SDK1: variants seen among roughly 807,000 people sequenced by gnomAD.
SDK1 encodes sidekick cell adhesion molecule 1, also known as protein sidekick-1.
A neutral mutation model predicts 245.5 loss-of-function variants in SDK1; 157 were observed. The ratio of observed to expected loss-of-function variants is 0.64; its 90% CI spans 0.56 to 0.73. SDK1 has a LOEUF of 0.73. Ranked by LOEUF, SDK1 falls within the 30% of genes least tolerant of loss-of-function variation. The probability of loss-of-function intolerance (pLI) is 0.00; values close to 1 mark genes in which losing one functional copy is unlikely to be tolerated. For synonymous variants in SDK1, 1,647 were observed against 1,278.5 expected (o/e 1.29, Z -6.15); for missense variants, 3,583 against 3,002.3 (o/e 1.19, Z -4.52).
chr7:4,210,716 A>T (rs1480290581), intron 38 of SDK1, among the ~76,000 whole-genome samples: 3 of 152,210 alleles, frequency 2.0e-5, no homozygotes, highest in Admixed American at 6.5e-5. Context: ...AGATGCTGGA[A>T]TCGAGGACCT....
intron 4 of SDK1, among the ~76,000 whole-genome samples, chr7:3,674,800 G>C (rs1175286583): frequency 6.6e-6 from 1 of 152,070 alleles, no homozygotes; most frequent in Non-Finnish European, 1.5e-5. Context: ...TAAGGAGTTG[G>C]ACAGAGATCC....
At chr7:4,054,363 G>A (rs1454696982) in intron 19 of SDK1, among the ~76,000 whole-genome samples, 1 of 152,176 alleles carries the variant, frequency 6.6e-6, no homozygotes, top group East Asian at 1.9e-4. Context: ...CTATAGTATT[G>A]CATCACGTCC....
intron 20 of SDK1, among the ~76,000 whole-genome samples, chr7:4,076,581 TACATA>T (rs1354478487): frequency 2.0e-5 from 3 of 152,198 alleles, no homozygotes; most frequent in African/African-American, 7.2e-5. Context: ...CATATATACA[TACATA>T]ACATTTTTTA....
chr7:3,371,055 G>A (rs1017295480), intron 1 of SDK1, among the ~76,000 whole-genome samples: 77 of 152,198 alleles, frequency 5.1e-4, no homozygotes, highest in African/African-American at 1.6e-3. Context: ...GTGCATCCCC[G>A]TGTTTCGTGT....
At chr7:4,238,173 G>C (rs1034723188) in intron 42 of SDK1, among the ~76,000 whole-genome samples, 2 of 151,866 alleles carry the variant, frequency 1.3e-5, no homozygotes. Flanking sequence ...TCTGTCTCCT[G>C]CATTCAAGTG....
At chr7:3,677,806 C>A (rs140931976) in intron 4 of SDK1, among the ~76,000 whole-genome samples, 1 of 152,110 alleles carries the variant, frequency 6.6e-6, no homozygotes, top group African/African-American at 2.4e-5. Flanking sequence ...ACACATAGTT[C>A]AGTGGATGGA....
chr7:4,240,939 G>A (rs1179456571), intron 42 of SDK1, among the ~76,000 whole-genome samples: 2 of 152,168 alleles, frequency 1.3e-5, no homozygotes, highest in Non-Finnish European at 2.9e-5. Context: ...GGGTTTGCAG[G>A]GTGGACAGAC....
chr7:3,891,790 T>C (rs766754537), intron 5 of SDK1, among the ~76,000 whole-genome samples: 3 of 152,236 alleles, frequency 2.0e-5, no homozygotes, highest in Non-Finnish European at 4.4e-5. Context: ...TAGGCTGTGC[T>C]TTCACGGCCA....
At chr7:3,403,858 T>TA (rs1467488680) in intron 1 of SDK1, among the ~76,000 whole-genome samples, 2 of 116,418 alleles carry the variant, frequency 1.7e-5, no homozygotes, top group Admixed American at 9.2e-5. Flanking sequence ...TATATATATA[T>TA]ATATATATAT....
intron 1 of SDK1, among the ~76,000 whole-genome samples, chr7:3,425,768 T>A (rs1285033627): frequency 6.6e-6 from 1 of 152,214 alleles, no homozygotes; most frequent in East Asian, 1.9e-4. Context: ...ACTAACAGCC[T>A]TTTATTGAAA....
intron 1 of SDK1, among the ~76,000 whole-genome samples, chr7:3,322,669 G>T (rs984688259): frequency 1.3e-5 from 2 of 152,160 alleles, no homozygotes; most frequent in African/African-American, 2.4e-5. Flanking sequence ...GTGGCATTCA[G>T]GGATCTTCAT....
At chr7:3,338,639 A>G (rs1780266866) in intron 1 of SDK1, 1 of 200,180 alleles carries the variant, frequency 5.0e-6, no homozygotes, top group Admixed American at 5.9e-5. Context: ...AACAAAAAAA[A>G]ACACCAAAAC....
At chr7:4,211,861 G>A (rs184013394) in intron 38 of SDK1, among the ~76,000 whole-genome samples, 3,620 of 152,192 alleles carry the variant, frequency 0.024, 49 homozygotes, top group Middle Eastern at 0.11. Flanking sequence ...CACCTGCCTC[G>A]GCCTCCCAAA....
At chr7:3,551,621 A>C (rs192890400) in intron 1 of SDK1, among the ~76,000 whole-genome samples, 3 of 152,028 alleles carry the variant, frequency 2.0e-5, no homozygotes, top group African/African-American at 4.8e-5. Context: ...AGAAACATCA[A>C]TTTGGCTGAC....
chr7:3,773,898 G>T (rs989323636), intron 4 of SDK1, among the ~76,000 whole-genome samples: 1 of 152,162 alleles, frequency 6.6e-6, no homozygotes. Context: ...AGAAGAGAAA[G>T]AGAAAAATTA....
chr7:3,914,897 G>A (rs995874675), intron 5 of SDK1, among the ~76,000 whole-genome samples: 6 of 152,216 alleles, frequency 3.9e-5, no homozygotes, highest in African/African-American at 7.2e-5. Flanking sequence ...CGTCGAAAGC[G>A]AGTGTGTTTG....
intron 4 of SDK1, among the ~76,000 whole-genome samples, chr7:3,730,373 G>T (rs1583350640): frequency 6.6e-6 from 1 of 152,210 alleles, no homozygotes; most frequent in South Asian, 2.1e-4. Flanking sequence ...AGGAGCTCTG[G>T]AGTGAAGCCA....
At chr7:3,365,131 T>A (rs1230650597) in intron 1 of SDK1, among the ~76,000 whole-genome samples, 1 of 152,198 alleles carries the variant, frequency 6.6e-6, no homozygotes, top group Non-Finnish European at 1.5e-5. Flanking sequence ...GGCCGCAACT[T>A]CTGCAGTGTA....
At chr7:3,648,235 T>G (rs1782907853) in intron 4 of SDK1, among the ~76,000 whole-genome samples, 1 of 152,160 alleles carries the variant, frequency 6.6e-6, no homozygotes, top group Non-Finnish European at 1.5e-5. Flanking sequence ...TACTTCTCTT[T>G]CCTCCACGAC....
Sources: allele counts gnomAD v4.1 joint callset (sites outside exome capture counted in the v4.1 genomes callset), GRCh38; gene constraint gnomAD v4.1.1; transcripts MANE v1.5; gene names NCBI Gene and HGNC (gene_info 2026-07-23, HGNC 2026-07-21).